NRXN1: variants seen among roughly 807,000 people sequenced by gnomAD.
NRXN1 encodes neurexin 1.
NRXN1 carries 39 observed loss-of-function variants against 150.9 expected under a neutral mutation model. That is an observed-to-expected ratio of 0.26 (90% CI 0.20 to 0.34). NRXN1 has a LOEUF of 0.34. Among genes scored for constraint, NRXN1 ranks in the 10% least tolerant of loss-of-function variants. The probability of loss-of-function intolerance (pLI) is 1.00; values close to 1 mark genes in which losing one functional copy is unlikely to be tolerated. For synonymous variants in NRXN1, 924 were observed against 757.0 expected, an observed-to-expected ratio of 1.22 and a Z score of -3.62; for missense variants, 1,815 against 1,949.9, an observed-to-expected ratio of 0.93 and a Z score of 1.30.
chr2:50,391,415 T>A (rs1558652086), intron 17 of NRXN1, among the ~76,000 whole-genome samples: 1 of 152,162 alleles, frequency 6.6e-6, no homozygotes. Context: ...TAACTAAACC[T>A]AATTATAGTG....
rs571237737 is a variant in NRXN1, at chr2:50,550,976, C to T, written c.1759+1611G>A. Among the ~76,000 whole-genome samples the T allele has an allele frequency of 1.5e-4, 22 of 151,530 alleles. No homozygotes were observed. In the South Asian group the frequency reaches 4.4e-3, roughly 30 times the overall value. ...GATTACGGGCGTGAGCCACCGCGCC[C>T]AGCCTCTTCTCAGCTTAAATCAGAA... On this transcript the variant is annotated intron_variant, in intron 9 of 22. Transcript: ENST00000401669.
rs3839057 is a variant in NRXN1 at position 49,921,002 on chromosome 2, C to CA, written c.*941dup. 0.012 allele frequency: 1,836 copies of CA among 149,110 alleles called. 57 individuals carry two copies. The highest frequency in any genetic ancestry group is 0.11 in the East Asian group (578 of 5,082). The allele number at this position is 149,110 out of a possible 1,614,324, so 9.2% of individuals were successfully genotyped here. A position where few individuals can be genotyped will look rare whatever the true frequency, so the allele number is the denominator to read the frequency against. On this transcript the variant is annotated 3_prime_UTR_variant, in exon 23 of 23. Coordinates refer to ENST00000401669, the MANE Select transcript of NRXN1 (RefSeq NM_001330078.2). Reference sequence around the variant, plus strand: ...TAATTGTGGCAATTTATAATGGTGGCAAAAAAAAAGAAAAACCCAACTGAA... The same window carrying CA: ...TAATTGTGGCAATTTATAATGGTGGCAAAAAAAAAAGAAAAACCCAACTGAA...
intron 5 of NRXN1, among the ~76,000 whole-genome samples, chr2:50,654,898 C>T (rs1686188442): frequency 6.6e-6 from 1 of 152,000 alleles, no homozygotes. Flanking sequence ...TTCAAAGGTT[C>T]AAACGATGCT....
chr2:50,851,233 GGGGTGA>G (rs950065852), intron 5 of NRXN1, among the ~76,000 whole-genome samples: 3 of 152,040 alleles, frequency 2.0e-5, no homozygotes, highest in Admixed American at 6.6e-5. Flanking sequence ...CCCAAAAGTG[GGGGTGA>G]GGGTGAGGGG....
chr2:50,883,873 A>C (rs1219314915), intron 5 of NRXN1, among the ~76,000 whole-genome samples: 1 of 151,800 alleles, frequency 6.6e-6, no homozygotes, highest in Non-Finnish European at 1.5e-5. Flanking sequence ...AGGCAAACTA[A>C]TCTACTTAGT....
intron 5 of NRXN1, among the ~76,000 whole-genome samples, chr2:50,802,626 A>G (rs1707777476): frequency 6.6e-6 from 1 of 151,804 alleles, no homozygotes; most frequent in South Asian, 2.1e-4. Context: ...GAAAGAAAAG[A>G]AAGAAGGGAG....
rs112950566 is a variant in NRXN1, at chr2:50,133,764, T to C, written c.3547-42270A>G. On this transcript the variant is annotated intron_variant, in intron 18 of 22. Coordinates refer to ENST00000401669, the MANE Select transcript of NRXN1 (RefSeq NM_001330078.2). ...GGAGCAAGAAGGGTCTTGGTTATCA[T>C]CTGGACTAACAGTTGCTATTAACAG... Among the ~76,000 whole-genome samples, 17 of 152,246 alleles carry C rather than the reference T, an allele frequency of 1.1e-4. 1 individual carries two copies. Among genetic ancestry groups the C allele is most frequent in the African/African-American group, 4.1e-4 (17 of 41,532 alleles).
intron 17 of NRXN1, among the ~76,000 whole-genome samples, chr2:50,385,585 T>A (rs942838847): frequency 6.6e-6 from 1 of 152,182 alleles, no homozygotes; most frequent in African/African-American, 2.4e-5. Context: ...CATTTTCGTA[T>A]TTCTTTTCCT....
intron 5 of NRXN1, among the ~76,000 whole-genome samples, chr2:50,676,058 G>A (rs1574062383): frequency 6.6e-6 from 1 of 152,272 alleles, no homozygotes; most frequent in Middle Eastern, 3.4e-3. Context: ...AGTGGTAGGT[G>A]TTTGGGTCAT....
chr2:50,367,420 G>C (rs1418621297), intron 17 of NRXN1, among the ~76,000 whole-genome samples: 1 of 151,972 alleles, frequency 6.6e-6, no homozygotes, highest in Admixed American at 6.6e-5. Flanking sequence ...AGTGCAGCCT[G>C]CCATACATTC....
chr2:50,016,643 T>C (rs1344779407), intron 21 of NRXN1: 1 of 152,132 alleles, frequency 6.6e-6, no homozygotes, highest in African/African-American at 2.4e-5. Flanking sequence ...TCTGCTCTTG[T>C]GAGAACTCAC....
At chr2:50,715,608 T>C (rs1695762569) in intron 5 of NRXN1, among the ~76,000 whole-genome samples, 1 of 152,184 alleles carries the variant, frequency 6.6e-6, no homozygotes, top group African/African-American at 2.4e-5. Context: ...TTTAAATACT[T>C]CTCACAATGA....
intron 5 of NRXN1, among the ~76,000 whole-genome samples, chr2:50,782,395 G>A (rs1381331349): frequency 2.0e-5 from 3 of 151,944 alleles, no homozygotes; most frequent in Admixed American, 6.6e-5. Context: ...ACTTGAACCT[G>A]GGAAAAGGGG....
rs115312816 is a variant in NRXN1, at chr2:50,246,045, T to C, written c.3365-9075A>G. 7.8e-3 allele frequency among the ~76,000 whole-genome samples: 1,183 copies of C among 152,114 alleles called. 16 individuals carry two copies. Among genetic ancestry groups the C allele is most frequent in the African/African-American group, 0.027 (1,108 of 41,536 alleles). ...TAGAGTTTTTCTAATGATGCTTCCCTAGTCTGATTTGGGGAAAGTTTCTAT... is the reference window on the plus strand; with the variant it reads ...TAGAGTTTTTCTAATGATGCTTCCCCAGTCTGATTTGGGGAAAGTTTCTAT... On this transcript the variant is annotated intron_variant, in intron 17 of 22. Coordinates refer to ENST00000401669, the MANE Select transcript of NRXN1 (RefSeq NM_001330078.2).
At chr2:50,833,000 T>C (rs1433828946) in intron 5 of NRXN1, among the ~76,000 whole-genome samples, 1 of 152,082 alleles carries the variant, frequency 6.6e-6, no homozygotes, top group Non-Finnish European at 1.5e-5. Flanking sequence ...AATTTAAAAG[T>C]GGACAAAATA....
chr2:50,607,740 A>T (rs1314190102), intron 8 of NRXN1, among the ~76,000 whole-genome samples: 1 of 143,622 alleles, frequency 7.0e-6, no homozygotes, highest in Non-Finnish European at 1.5e-5. Flanking sequence ...GACTCTAAAA[A>T]TCAAAAAAAA....
At chr2:50,938,683 C>G (rs1688917489) in intron 2 of NRXN1, among the ~76,000 whole-genome samples, 1 of 152,088 alleles carries the variant, frequency 6.6e-6, no homozygotes, top group Admixed American at 6.6e-5. Context: ...CTGAGGATGT[C>G]TCAAGAAACT....
chr2:50,638,403 C>T (rs1017315490), intron 5 of NRXN1, among the ~76,000 whole-genome samples: 3 of 152,006 alleles, frequency 2.0e-5, no homozygotes. Context: ...AATTCACATC[C>T]CAACAAATAG....
At chr2:49,977,093 C>T (rs551545164) in intron 21 of NRXN1, among the ~76,000 whole-genome samples, 210 of 152,120 alleles carry the variant, frequency 1.4e-3, no homozygotes, top group Non-Finnish European at 2.4e-3. Context: ...GAAAACTTGG[C>T]TTATAGATTC....
Sources: gnomAD v4.1 joint callset for allele counts (sites outside exome capture counted in the v4.1 genomes callset) on GRCh38, gnomAD v4.1.1 for gene constraint, MANE v1.5 for transcripts, NCBI Gene and HGNC (gene_info 2026-07-23, HGNC 2026-07-21) for gene names.